The following ZBTB7C variants were observed in gnomAD, a reference collection of about 807,000 sequenced individuals.
ZBTB7C encodes the protein zinc finger and BTB domain containing 7C.
ZBTB7C carries 8 observed loss-of-function variants against 25.7 expected under a neutral mutation model. The ratio of observed to expected loss-of-function variants is 0.31; its 90% confidence interval spans 0.18 to 0.56. The LOEUF (loss-of-function observed/expected upper bound fraction) is 0.56. Among genes scored for constraint, ZBTB7C ranks in the 20% least tolerant of loss-of-function variants. The pLI, the probability that ZBTB7C is intolerant of heterozygous loss-of-function variation, is 0.91. For missense variants in ZBTB7C, 824 were observed against 855.2 expected, an observed-to-expected ratio of 0.96 and a Z score of 0.46; for synonymous variants, 394 against 369.0, an observed-to-expected ratio of 1.07 and a Z score of -0.78.
At chr18:48,138,194 A>G (rs2040233242) in intron 3 of ZBTB7C, among the ~76,000 whole-genome samples, 1 of 152,268 alleles carries the variant, frequency 6.6e-6, no homozygotes, top group African/African-American at 2.4e-5. Flanking sequence ...TGAGCCTTAA[A>G]GGATCCTGAA....
chr18:48,077,450 C>T (rs989035186), intron 3 of ZBTB7C, among the ~76,000 whole-genome samples: 2 of 152,176 alleles, frequency 1.3e-5, no homozygotes, highest in African/African-American at 2.4e-5. Flanking sequence ...CTGCAATAAA[C>T]GCACAAAACC....
chr18:48,207,443 T>C (rs543366460), intron 2 of ZBTB7C, among the ~76,000 whole-genome samples: 89 of 152,274 alleles, frequency 5.8e-4, no homozygotes, highest in Admixed American at 2.5e-3. Flanking sequence ...GTAAAAAAAG[T>C]GTGGCATAGT....
At chr18:48,133,057 G>T (rs1353172678) in intron 3 of ZBTB7C, among the ~76,000 whole-genome samples, 1 of 152,232 alleles carries the variant, frequency 6.6e-6, no homozygotes, top group African/African-American at 2.4e-5. Flanking sequence ...CACTCAATTT[G>T]TTCAGTGGAT....
At chr18:48,049,296 T>C (rs960707792) in intron 3 of ZBTB7C, among the ~76,000 whole-genome samples, 5 of 152,174 alleles carry the variant, frequency 3.3e-5, no homozygotes, top group Non-Finnish European at 5.9e-5. Flanking sequence ...TCAGTTTCCT[T>C]ATCTAGGAAA....
chr18:48,078,261 G>T (rs1206102965), intron 3 of ZBTB7C, among the ~76,000 whole-genome samples: 13 of 152,262 alleles, frequency 8.5e-5, no homozygotes, highest in African/African-American at 3.1e-4. Context: ...CCTACCGGGA[G>T]AGAGCCCAGG....
intron 3 of ZBTB7C, among the ~76,000 whole-genome samples, chr18:48,184,218 A>G (rs1286125910): frequency 6.6e-6 from 1 of 152,208 alleles, no homozygotes; most frequent in African/African-American, 2.4e-5. Flanking sequence ...ATGGACATCC[A>G]GAACAGACAG....
intron 3 of ZBTB7C, among the ~76,000 whole-genome samples, chr18:48,106,436 C>T (rs115644927): frequency 0.01 from 1,474 of 146,834 alleles, 21 homozygotes; most frequent in African/African-American, 0.037. Context: ...AACAAAGGAC[C>T]CAAACCCTAT....
chr18:48,172,613 C>T (rs550919729), intron 3 of ZBTB7C, among the ~76,000 whole-genome samples: 17 of 152,360 alleles, frequency 1.1e-4, no homozygotes, highest in Admixed American at 2.0e-4. Context: ...ACTTGACTGA[C>T]GTGACCCACG....
At chr18:48,134,407 G>A (rs8091725) in intron 3 of ZBTB7C, among the ~76,000 whole-genome samples, 101,927 of 152,068 alleles carry the variant, frequency 0.67, 34,306 homozygotes, top group Admixed American at 0.74. Flanking sequence ...CAGCTAAAAC[G>A]AAGGAGGACA....
intron 2 of ZBTB7C, among the ~76,000 whole-genome samples, chr18:48,291,469 A>T (rs1196601864): frequency 1.3e-5 from 2 of 152,208 alleles, no homozygotes; most frequent in African/African-American, 4.8e-5. Flanking sequence ...TGGCAACAGC[A>T]AAGGAGCAAA....
At chr18:48,277,304 AAAAC>A (rs1276651793) in intron 2 of ZBTB7C, among the ~76,000 whole-genome samples, 1 of 148,256 alleles carries the variant, frequency 6.7e-6, no homozygotes, top group African/African-American at 2.5e-5. Context: ...TTACAAGAAA[AAAAC>A]AAACAACCCC....
rs755416580 is a variant in ZBTB7C, at chr18:48,115,254, CT to C, written c.-17+70679del. The stretch of plus-strand genomic sequence containing the variant: ...ATGTTAAGCATGTATCAGAACTTTT[CT>C]TTTTTTTTTTTTAGACGGAGTCTTG... On this transcript the variant is annotated intron_variant, in intron 3 of 4. Coordinates refer to ENST00000590800, the MANE Select transcript of ZBTB7C (RefSeq NM_001318841.2). Among the ~76,000 whole-genome samples the C allele has an allele frequency of 2.6e-3, 375 of 143,458 alleles. 1 individual carries two copies. Among genetic ancestry groups the C allele is most frequent in the East Asian group, 0.014 (70 of 4,964 alleles). 94.1% of individuals were successfully genotyped at this position (143,458 alleles called of 152,430 possible).
chr18:48,199,311 G>C (rs938537770), intron 2 of ZBTB7C, among the ~76,000 whole-genome samples: 2 of 152,108 alleles, frequency 1.3e-5, no homozygotes, highest in South Asian at 4.2e-4. Flanking sequence ...AACTCCTACT[G>C]CTGGCCCTCC....
intron 3 of ZBTB7C, among the ~76,000 whole-genome samples, chr18:48,122,961 T>C (rs2039680093): frequency 6.6e-6 from 1 of 152,194 alleles, no homozygotes; most frequent in Non-Finnish European, 1.5e-5. Context: ...TCTTGGACTC[T>C]GACTCCTTGC....
chr18:48,393,855 G>C (rs978046800), intron 1 of ZBTB7C, among the ~76,000 whole-genome samples: 1 of 152,144 alleles, frequency 6.6e-6, no homozygotes, highest in African/African-American at 2.4e-5. Context: ...GACCCTCCCA[G>C]ATAGCCAAAA....
chr18:48,072,274 A>G (rs2037572154), intron 3 of ZBTB7C, among the ~76,000 whole-genome samples: 1 of 152,236 alleles, frequency 6.6e-6, no homozygotes, highest in Non-Finnish European at 1.5e-5. Flanking sequence ...AAATGGGGTA[A>G]GAAGACCCCA....
chr18:48,406,208 G>A (rs1390772180), intron 1 of ZBTB7C, among the ~76,000 whole-genome samples: 2 of 152,122 alleles, frequency 1.3e-5, no homozygotes, highest in African/African-American at 4.8e-5. Context: ...ATGAGAGGGA[G>A]GACAACTGCC....
At position 48,028,988 on chromosome 18, in the gene ZBTB7C, G is replaced by C. The variant is rs2035609783; in HGVS notation, c.*272C>G. Reference sequence around the variant, plus strand: ...TGGGCACCCAGTTCTTTGTGGCATGGGCCGGTGCAAGTTTCTATATGAGAG... The same window carrying C: ...TGGGCACCCAGTTCTTTGTGGCATGCGCCGGTGCAAGTTTCTATATGAGAG... On this transcript the variant is annotated 3_prime_UTR_variant, in exon 5 of 5. Coordinates refer to ENST00000590800, the MANE Select transcript of ZBTB7C (RefSeq NM_001318841.2). The C allele has an allele frequency of 4.4e-6, 2 of 457,248 alleles. No individual in the cohort carries two copies. Among genetic ancestry groups the C allele is most frequent in the East Asian group, 9.1e-5 (2 of 21,870 alleles). 28.3% of individuals were successfully genotyped at this position (457,248 alleles called of 1,614,324 possible).
At chr18:48,219,391 G>C (rs953774710) in intron 2 of ZBTB7C, among the ~76,000 whole-genome samples, 1 of 152,198 alleles carries the variant, frequency 6.6e-6, no homozygotes, top group African/African-American at 2.4e-5. Flanking sequence ...TTCATGCAGG[G>C]CCTTGTTCTA....
Sources: gnomAD v4.1 joint callset for allele counts (sites outside exome capture counted in the v4.1 genomes callset) on GRCh38, gnomAD v4.1.1 for gene constraint, MANE v1.5 for transcripts, NCBI Gene and HGNC (gene_info 2026-07-23, HGNC 2026-07-21) for gene names.